Variants in PHTF2 observed in about 807,000 individuals in gnomAD.
The protein encoded by PHTF2 is protein PHTF2.
A neutral mutation model predicts 101.2 loss-of-function variants in PHTF2; 60 were observed. That is an observed-to-expected ratio of 0.59 (90% confidence interval 0.48 to 0.73). PHTF2 has a LOEUF of 0.73. Ranked by LOEUF, PHTF2 falls within the 30% of genes least tolerant of loss-of-function variation. The pLI is 0.00. For missense variants in PHTF2, 747 were observed against 908.7 expected (o/e 0.82, Z 2.29); for synonymous variants, 311 against 307.3 (o/e 1.01, Z -0.13).
chr7:77,874,499 T>C (rs1359562302), intron 3 of PHTF2, among the ~76,000 whole-genome samples: 2 of 152,136 alleles, frequency 1.3e-5, no homozygotes, highest in African/African-American at 2.4e-5. Flanking sequence ...CAGTCCAAGT[T>C]CCAAAACTGA....
chr7:77,943,576 T>C (rs886774326), intron 16 of PHTF2, among the ~76,000 whole-genome samples: 2 of 152,138 alleles, frequency 1.3e-5, no homozygotes, highest in Non-Finnish European at 1.5e-5. Flanking sequence ...GTTCTCAGGG[T>C]CTCCTGAGGG....
At chr7:77,826,973 C>G (rs941205756) in intron 1 of PHTF2, among the ~76,000 whole-genome samples, 3 of 152,130 alleles carry the variant, frequency 2.0e-5, no homozygotes, top group African/African-American at 7.2e-5. Flanking sequence ...CGGGGGTGAT[C>G]ATCAGATCCA....
chr7:77,932,666 A>G (rs1804721419), intron 12 of PHTF2, among the ~76,000 whole-genome samples: 1 of 142,100 alleles, frequency 7.0e-6, no homozygotes, highest in Non-Finnish European at 1.6e-5. Context: ...GTTCAAGCCA[A>G]TGAACACATC....
intron 16 of PHTF2, among the ~76,000 whole-genome samples, chr7:77,948,559 C>G (rs1371232221): frequency 6.6e-6 from 1 of 152,030 alleles, no homozygotes; most frequent in Non-Finnish European, 1.5e-5. Flanking sequence ...GATTGTTAGT[C>G]ACATTATAGA....
At chr7:77,862,463 G>A (rs1425147450) in intron 3 of PHTF2, among the ~76,000 whole-genome samples, 1 of 152,062 alleles carries the variant, frequency 6.6e-6, no homozygotes, top group Admixed American at 6.6e-5. Context: ...TGGATAAAAG[G>A]AATAGTTTTT....
intron 2 of PHTF2, among the ~76,000 whole-genome samples, chr7:77,841,725 T>G (rs781499340): frequency 9.9e-5 from 15 of 152,230 alleles, no homozygotes; most frequent in Admixed American, 2.0e-4. Context: ...ATACTATTAA[T>G]TGTCTTTTGT....
intron 7 of PHTF2, among the ~76,000 whole-genome samples, chr7:77,903,703 C>T (rs1801599985): frequency 6.6e-6 from 1 of 152,120 alleles, no homozygotes; most frequent in Admixed American, 6.5e-5. Context: ...ATGACTTAAC[C>T]TTCTTAAAGT....
intron 10 of PHTF2, among the ~76,000 whole-genome samples, chr7:77,920,756 A>G (rs140731008): frequency 0.012 from 1,853 of 152,254 alleles, 15 homozygotes; most frequent in Middle Eastern, 0.031. Flanking sequence ...ATCTTGGCTC[A>G]CAGCATCCTC....
intron 3 of PHTF2, among the ~76,000 whole-genome samples, chr7:77,872,198 T>G (rs977075468): frequency 9.2e-5 from 14 of 152,084 alleles, no homozygotes; most frequent in Non-Finnish European, 1.2e-4. Flanking sequence ...CATGGCCACT[T>G]TGTTCATGGG....
intron 2 of PHTF2, among the ~76,000 whole-genome samples, chr7:77,844,668 G>A (rs1280725447): frequency 1.3e-5 from 2 of 152,146 alleles, no homozygotes; most frequent in Admixed American, 6.5e-5. Flanking sequence ...GGGATTACAG[G>A]CAGGTGCTAC....
chr7:77,911,709 A>G (rs1802415480), intron 9 of PHTF2, among the ~76,000 whole-genome samples: 1 of 152,238 alleles, frequency 6.6e-6, no homozygotes, highest in Admixed American at 6.5e-5. Flanking sequence ...AAAGTTTTCC[A>G]GATTTTAATA....
intron 1 of PHTF2, among the ~76,000 whole-genome samples, chr7:77,814,666 C>T (rs573220550): frequency 1.1e-3 from 164 of 152,132 alleles, no homozygotes; most frequent in African/African-American, 3.5e-3. Flanking sequence ...CACGCGCCAC[C>T]GCGCCCAGCT....
chr7:77,951,107 G>A (rs1806498673), intron 17 of PHTF2, among the ~76,000 whole-genome samples: 1 of 152,096 alleles, frequency 6.6e-6, no homozygotes. Context: ...TTATAGAGTG[G>A]ATAATAAAAA....
chr7:77,869,477 A>AT (rs1454323735), intron 3 of PHTF2, among the ~76,000 whole-genome samples: 2 of 152,170 alleles, frequency 1.3e-5, no homozygotes, highest in African/African-American at 4.8e-5. Context: ...TAGCTCCCAT[A>AT]TATGAGAACA....
chr7:77,815,314 G>A (rs1793772026), intron 1 of PHTF2, among the ~76,000 whole-genome samples: 1 of 152,000 alleles, frequency 6.6e-6, no homozygotes, highest in Admixed American at 6.5e-5. Context: ...ATTTTAGCAA[G>A]CAGGCAGATT....
intron 2 of PHTF2, among the ~76,000 whole-genome samples, chr7:77,842,569 C>G (rs1451579082): frequency 6.6e-6 from 1 of 152,114 alleles, no homozygotes; most frequent in Non-Finnish European, 1.5e-5. Context: ...AAAAAAGCAG[C>G]CTGCAATACT....
At chr7:77,910,361 T>C in exon 9 of PHTF2, 1 of 1,613,876 alleles carries the variant, frequency 6.2e-7, no homozygotes, top group Non-Finnish European at 8.5e-7. Context: ...TCTCACAGCG[T>C]TGGCACTGTC....
chr7:77,873,827 G>A (rs1268391169), intron 3 of PHTF2, among the ~76,000 whole-genome samples: 1 of 152,184 alleles, frequency 6.6e-6, no homozygotes, highest in African/African-American at 2.4e-5. Flanking sequence ...TTTAACAGTA[G>A]ACACCTGGCG....
intron 12 of PHTF2, 105 bp downstream of exon 11, chr7:77,929,432 T>C: frequency 3.2e-6 from 2 of 623,990 alleles, no homozygotes; most frequent in Non-Finnish European, 5.6e-6. Context: ...AAGCTTATAT[T>C]TCTATAATTT....
Sources: gnomAD v4.1 joint callset for allele counts (sites outside exome capture counted in the v4.1 genomes callset) on GRCh38, gnomAD v4.1.1 for gene constraint, MANE v1.5 for transcripts, NCBI Gene and HGNC (gene_info 2026-07-23, HGNC 2026-07-21) for gene names.